The following PRKN variants were observed in gnomAD, a reference collection of about 807,000 sequenced individuals.
The protein encoded by PRKN is E3 ubiquitin-protein ligase parkin.
Under a neutral mutation model 59.5 loss-of-function variants are expected in PRKN, and 56 were observed. That is an observed-to-expected ratio of 0.94 (90% CI 0.76 to 1.18). PRKN has a LOEUF of 1.18. Among genes scored for constraint, PRKN ranks in the 50% most tolerant of loss-of-function variants. PRKN has a pLI of 0.00. For synonymous variants in PRKN, 250 were observed against 222.1 expected, an observed-to-expected ratio of 1.13 and a Z score of -1.12; for missense variants, 657 against 596.4, an observed-to-expected ratio of 1.10 and a Z score of -1.06.
chr6:161,933,812 C>T (rs972208004), intron 6 of PRKN, among the ~76,000 whole-genome samples: 1 of 152,084 alleles, frequency 6.6e-6, no homozygotes, highest in Non-Finnish European at 1.5e-5. Flanking sequence ...CACACTTTGT[C>T]CTAAAGTTTC....
intron 8 of PRKN, among the ~76,000 whole-genome samples, chr6:161,559,714 G>T (rs1780380843): frequency 6.6e-6 from 1 of 152,216 alleles, no homozygotes; most frequent in Admixed American, 6.5e-5. Context: ...GATTCTGAGG[G>T]AAGGGTGACA....
At chr6:161,700,061 G>A (rs761990532) in intron 7 of PRKN, among the ~76,000 whole-genome samples, 10 of 149,984 alleles carry the variant, frequency 6.7e-5, no homozygotes, top group Non-Finnish European at 1.0e-4. Flanking sequence ...GCTGTTATAA[G>A]CCCTTTAATC....
rs1036549078 is a variant in PRKN, at chr6:161,361,801, G to T, written c.1168-1596C>A. Among the ~76,000 whole-genome samples the T allele has an allele frequency of 6.6e-6, 1 of 152,222 alleles. No individual in the cohort carries two copies. The highest frequency in any genetic ancestry group is 1.5e-5 in the Non-Finnish European group (1 of 68,050). On this transcript the variant is annotated intron_variant, in intron 10 of 11. Coordinates refer to ENST00000366898, the MANE Select transcript of PRKN (RefSeq NM_004562.3). The surrounding 1 kb of genome is among the most constrained non-coding windows in gnomAD (Gnocchi z 5.2). ...CGGAGGCAACGGTAGGTCAATGAGT[G>T]CTTCCTTTGCTAAGATCCACTCACG...
chr6:161,431,090 G>A (rs1788626845), intron 9 of PRKN, among the ~76,000 whole-genome samples: 2 of 147,952 alleles, frequency 1.4e-5, no homozygotes, highest in Non-Finnish European at 3.0e-5. Context: ...AACGAGTCGA[G>A]ATCACTCCAC....
intron 7 of PRKN, among the ~76,000 whole-genome samples, chr6:161,698,609 C>T (rs549763036): frequency 6.9e-6 from 1 of 145,892 alleles, no homozygotes; most frequent in East Asian, 1.9e-4. Flanking sequence ...GGTATTGGTA[C>T]AAACAGAATA....
chr6:162,010,966 T>C (rs1294486007), intron 5 of PRKN, among the ~76,000 whole-genome samples: 1 of 23,518 alleles, frequency 4.3e-5, no homozygotes, highest in Non-Finnish European at 6.4e-5. Flanking sequence ...TTAATATAAA[T>C]AATATAAAAT....
chr6:162,507,205 T>G (rs1419774130), intron 1 of PRKN, among the ~76,000 whole-genome samples: 5 of 152,150 alleles, frequency 3.3e-5, no homozygotes, highest in African/African-American at 1.2e-4. Context: ...AACAAGACAG[T>G]AGCAGTAACT....
intron 1 of PRKN, among the ~76,000 whole-genome samples, chr6:162,521,519 C>G (rs1279980792): frequency 6.6e-6 from 1 of 152,096 alleles, no homozygotes. Context: ...AGAAGAAAAA[C>G]TAGCAGAGCT....
chr6:161,907,799 G>A (rs771105354), intron 6 of PRKN, among the ~76,000 whole-genome samples: 3 of 152,112 alleles, frequency 2.0e-5, no homozygotes, highest in African/African-American at 4.8e-5. Flanking sequence ...AATTTCCGGC[G>A]AGGCGCAGGG....
intron 3 of PRKN, among the ~76,000 whole-genome samples, chr6:162,244,411 A>T (rs1779115160): frequency 6.6e-6 from 1 of 152,124 alleles, no homozygotes; most frequent in Non-Finnish European, 1.5e-5. Context: ...GGTCTAAGAT[A>T]GTTTGGAAAC....
At chr6:162,706,883 A>G (rs144819487) in intron 1 of PRKN, among the ~76,000 whole-genome samples, 8 of 152,138 alleles carry the variant, frequency 5.3e-5, no homozygotes, top group Middle Eastern at 3.2e-3. Context: ...TCTACTGATT[A>G]TATTGACCAT....
intron 1 of PRKN, among the ~76,000 whole-genome samples, chr6:162,604,628 G>A (rs1781837540): frequency 6.6e-6 from 1 of 151,318 alleles, no homozygotes; most frequent in Admixed American, 6.6e-5. Flanking sequence ...TGAAGTCTCT[G>A]GTGTGTCAGC....
chr6:161,891,668 G>C (rs7756242), intron 6 of PRKN, among the ~76,000 whole-genome samples: 59,647 of 152,010 alleles, frequency 0.39, 12,146 homozygotes, highest in African/African-American at 0.5. Context: ...GACTACAGGG[G>C]ATTTGTGAAG....
intron 2 of PRKN, among the ~76,000 whole-genome samples, chr6:162,364,975 C>CCCT (rs1785351943): frequency 7.0e-6 from 1 of 143,082 alleles, no homozygotes; most frequent in Non-Finnish European, 1.5e-5. Flanking sequence ...CTCTCTCTCT[C>CCCT]TCTCTTTTTT....
chr6:161,710,430 A>G (rs777306783), intron 7 of PRKN, among the ~76,000 whole-genome samples: 2 of 152,230 alleles, frequency 1.3e-5, no homozygotes, highest in Non-Finnish European at 2.9e-5. Context: ...ACATGACACC[A>G]TCATAAGTCA....
chr6:161,957,669 C>T (rs759242398), intron 6 of PRKN, among the ~76,000 whole-genome samples: 5 of 152,208 alleles, frequency 3.3e-5, no homozygotes, highest in Non-Finnish European at 7.4e-5. Flanking sequence ...GTGATCCACC[C>T]GCCTCGGCCT....
At chr6:162,727,338 A>T in intron 1 of PRKN, 1 of 378,498 alleles carries the variant, frequency 2.6e-6, no homozygotes, top group East Asian at 4.8e-5. Flanking sequence ...CGGCGGGGAG[A>T]AGGCTTCGGG....
In PRKN at chr6:161,963,697, AG is replaced by A. The variant is rs1780471153; in HGVS notation, c.734+9604del. On this transcript the variant is annotated intron_variant, in intron 6 of 11. Coordinates refer to ENST00000366898, the MANE Select transcript of PRKN (RefSeq NM_004562.3). ...TTAACTCAATTAGTCTATTAAATTCAGAAGGGATTTTTAAAAGGAGATTGTT... is the reference window on the plus strand; with the variant it reads ...TTAACTCAATTAGTCTATTAAATTCAAAGGGATTTTTAAAAGGAGATTGTT... Among the ~76,000 whole-genome samples the A allele has an allele frequency of 2.0e-5, 3 of 152,350 alleles. No homozygotes were observed. In the South Asian group the frequency reaches 6.2e-4, roughly 32 times the overall value.
intron 4 of PRKN, among the ~76,000 whole-genome samples, chr6:162,120,938 A>T (rs1271156020): frequency 6.6e-6 from 1 of 152,232 alleles, no homozygotes; most frequent in Non-Finnish European, 1.5e-5. Flanking sequence ...AAATTTACTT[A>T]GCTTGTGATT....
Sources: allele counts gnomAD v4.1 joint callset (sites outside exome capture counted in the v4.1 genomes callset), GRCh38; gene constraint gnomAD v4.1.1; non-coding constraint Gnocchi (gnomAD v3.1); transcripts MANE v1.5; gene names NCBI Gene and HGNC (gene_info 2026-07-23, HGNC 2026-07-21).